Variants in SNTG1 observed in about 807,000 individuals in gnomAD.
SNTG1 encodes syntrophin gamma 1.
In SNTG1, 39 loss-of-function variants were observed where a neutral mutation model predicts 74.7. The ratio of observed to expected loss-of-function variants is 0.52; its 90% confidence interval spans 0.40 to 0.68. SNTG1 has a LOEUF of 0.68. Among genes scored for constraint, SNTG1 ranks in the 30% least tolerant of loss-of-function variants. The pLI, the probability that SNTG1 is intolerant of heterozygous loss-of-function variation, is 0.00. For missense variants in SNTG1, 685 were observed against 609.5 expected, an observed-to-expected ratio of 1.12 and a Z score of -1.30; for synonymous variants, 254 against 217.1, an observed-to-expected ratio of 1.17 and a Z score of -1.49.
intron 13 of SNTG1, among the ~76,000 whole-genome samples, chr8:50,604,279 A>G (rs964491500): frequency 6.6e-6 from 1 of 152,200 alleles, no homozygotes; most frequent in Admixed American, 6.5e-5. Context: ...TTAGCTGGGC[A>G]TGATGGCACA....
chr8:50,449,851 A>G (rs1203559300), intron 6 of SNTG1, 126 bp downstream of exon 6: 3 of 798,808 alleles, frequency 3.8e-6, no homozygotes, highest in Non-Finnish European at 5.5e-6. Flanking sequence ...ACCTTCAGGC[A>G]TTAGTGGCTG....
At chr8:50,660,139 C>T (rs769030506) in intron 15 of SNTG1, among the ~76,000 whole-genome samples, 4 of 149,382 alleles carry the variant, frequency 2.7e-5, no homozygotes, top group African/African-American at 5.0e-5. Context: ...CGCGCCAGGG[C>T]GAACTGTGTA....
chr8:49,972,966 G>T (rs930462320), intron 1 of SNTG1, among the ~76,000 whole-genome samples: 1 of 152,128 alleles, frequency 6.6e-6, no homozygotes, highest in Non-Finnish European at 1.5e-5. Flanking sequence ...CGATTCCTCA[G>T]GGATCTAGAA....
chr8:50,743,924 A>T (rs540270402), intron 17 of SNTG1, among the ~76,000 whole-genome samples: 1 of 151,994 alleles, frequency 6.6e-6, no homozygotes, highest in East Asian at 2.0e-4. Flanking sequence ...ATGGTGGAAG[A>T]TGAAGTGGAA....
chr8:50,603,616 T>C (rs1327746411), intron 13 of SNTG1, among the ~76,000 whole-genome samples: 1 of 152,140 alleles, frequency 6.6e-6, no homozygotes, highest in Non-Finnish European at 1.5e-5. Context: ...ATATTTATTG[T>C]AGTCCTCACA....
chr8:49,959,251 G>A (rs939344833), intron 1 of SNTG1, among the ~76,000 whole-genome samples: 4 of 152,202 alleles, frequency 2.6e-5, no homozygotes, highest in Admixed American at 2.0e-4. Context: ...GAAAGAGCAT[G>A]CTGGTGAAAA....
chr8:50,791,828 C>T (rs1340185615), intron 18 of SNTG1, among the ~76,000 whole-genome samples: 3 of 151,768 alleles, frequency 2.0e-5, no homozygotes, highest in African/African-American at 7.2e-5. Flanking sequence ...GAAATTAAGA[C>T]ATGTTTATGT....
chr8:50,066,098 C>T (rs1401045639), intron 1 of SNTG1, among the ~76,000 whole-genome samples: 1 of 152,104 alleles, frequency 6.6e-6, no homozygotes, highest in African/African-American at 2.4e-5. Context: ...GCCTTTAATC[C>T]CAGCTACTCA....
chr8:50,609,227 A>G lies in SNTG1; in HGVS notation c.849+18310A>G, dbSNP rs959901498. Among the ~76,000 whole-genome samples the G allele has an allele frequency of 5.9e-5, 9 of 152,024 alleles. No homozygotes were observed. The South Asian group carries it at 1.7e-3, about 28-fold the overall frequency. ...CTTCGTTAAGTATTTCATGTGGGGA[A>G]TATTTTGTAGCTGTGAATTCTCTCA... On this transcript the variant is annotated intron_variant, in intron 13 of 18. Coordinates refer to ENST00000642720, the MANE Select transcript of SNTG1 (RefSeq NM_018967.5).
intron 1 of SNTG1, among the ~76,000 whole-genome samples, chr8:50,050,378 T>C (rs1048685457): frequency 6.6e-6 from 1 of 151,920 alleles, no homozygotes; most frequent in Non-Finnish European, 1.5e-5. Flanking sequence ...TTGAAAGACA[T>C]GATCTGCCAA....
At chr8:50,376,551 G>A (rs1408882602) in intron 2 of SNTG1, among the ~76,000 whole-genome samples, 3 of 151,806 alleles carry the variant, frequency 2.0e-5, no homozygotes, top group African/African-American at 7.3e-5. Context: ...AAGTAACCCA[G>A]CCAATGGTGA....
chr8:50,064,205 G>C (rs1400017193), intron 1 of SNTG1, among the ~76,000 whole-genome samples: 1 of 152,208 alleles, frequency 6.6e-6, no homozygotes, highest in Non-Finnish European at 1.5e-5. Flanking sequence ...TCACGTGTAA[G>C]ATGACTAAAA....
At chr8:50,414,016 C>T (rs565103873) in intron 4 of SNTG1, among the ~76,000 whole-genome samples, 17 of 151,970 alleles carry the variant, frequency 1.1e-4, no homozygotes, top group Admixed American at 2.6e-4. Context: ...ATTTATATGC[C>T]GTATCTGTAA....
At chr8:50,266,781 A>T (rs2087504286) in intron 2 of SNTG1, among the ~76,000 whole-genome samples, 1 of 151,644 alleles carries the variant, frequency 6.6e-6, no homozygotes, top group East Asian at 1.9e-4. Flanking sequence ...AAAGAGAAGT[A>T]GAAATCATTG....
intron 13 of SNTG1, among the ~76,000 whole-genome samples, chr8:50,628,986 C>CT (rs2094976717): frequency 6.6e-6 from 1 of 152,082 alleles, no homozygotes; most frequent in Non-Finnish European, 1.5e-5. Flanking sequence ...AAGACAAGTA[C>CT]TACATGATCT....
rs533343940 is a variant in SNTG1, at chr8:49,936,130, G to A, written c.-103+23899G>A. Among the ~76,000 whole-genome samples, 39 of 152,288 alleles carry A rather than the reference G, an allele frequency of 2.6e-4. No individual in the cohort carries two copies. The South Asian group carries it at 7.9e-3, about 31-fold the overall frequency. ...AATTGTTGAGTTTCCAATATGCAAA[G>A]AACTAGGGGTCATTGCAAACTAGTG... is the stretch of plus-strand genomic sequence containing the variant. On this transcript the variant is annotated intron_variant, in intron 1 of 18. Transcript: ENST00000642720.
chr8:50,214,042 C>G (rs1201504377), intron 2 of SNTG1, among the ~76,000 whole-genome samples: 1 of 151,838 alleles, frequency 6.6e-6, no homozygotes, highest in Non-Finnish European at 1.5e-5. Context: ...AGGTTTTCTT[C>G]TAGGGTTTTT....
At chr8:50,066,383 C>A (rs2130970930) in intron 1 of SNTG1, among the ~76,000 whole-genome samples, 1 of 152,196 alleles carries the variant, frequency 6.6e-6, no homozygotes. Context: ...CATAGTCAAG[C>A]TAATTAACAT....
intron 4 of SNTG1, among the ~76,000 whole-genome samples, chr8:50,417,638 C>A (rs12540980): frequency 0.16 from 23,876 of 152,060 alleles, 2,331 homozygotes; most frequent in Middle Eastern, 0.26. Context: ...CAGTCCCTTG[C>A]TCCCTTAGAT....
Sources: gnomAD v4.1 joint callset for allele counts (sites outside exome capture counted in the v4.1 genomes callset) on GRCh38, gnomAD v4.1.1 for gene constraint, MANE v1.5 for transcripts, NCBI Gene and HGNC (gene_info 2026-07-23, HGNC 2026-07-21) for gene names.